SULF1: variants seen among roughly 807,000 people sequenced by gnomAD.
The protein encoded by SULF1 is sulfatase 1.
In SULF1, 46 loss-of-function variants were observed where a neutral mutation model predicts 110.5. The observed-to-expected ratio is 0.42, with a 90% confidence interval of 0.33 to 0.53. The LOEUF (loss-of-function observed/expected upper bound fraction) is 0.53, where lower values mean the gene tolerates loss of function less well. Among genes scored for constraint, SULF1 ranks in the 20% least tolerant of loss-of-function variants. The pLI, the probability that SULF1 is intolerant of heterozygous loss-of-function variation, is 0.12. For missense variants in SULF1, 941 were observed against 1,094.2 expected, an observed-to-expected ratio of 0.86 and a Z score of 1.98; for synonymous variants, 371 against 387.1, an observed-to-expected ratio of 0.96 and a Z score of 0.49.
intron 22 of SULF1, among the ~76,000 whole-genome samples, chr8:69,657,100 T>G (rs62512197): frequency 1.3e-5 from 2 of 152,244 alleles, no homozygotes; most frequent in South Asian, 4.1e-4. Context: ...TTCATGGATT[T>G]ATACTATTTA....
At chr8:69,657,621 T>C (rs1443752163) in intron 22 of SULF1, among the ~76,000 whole-genome samples, 2 of 152,240 alleles carry the variant, frequency 1.3e-5, no homozygotes, top group Admixed American at 1.3e-4. Context: ...ACGTTTTTTA[T>C]CTACACGTGA....
At chr8:69,592,930 G>A (rs1328803195) in intron 8 of SULF1, 26 of 987,280 alleles carry the variant, frequency 2.6e-5, no homozygotes, top group South Asian at 1.9e-4. Flanking sequence ...AACAGACAGG[G>A]TAAGGACCAA....
At chr8:69,631,141 A>G (rs1308791926) in intron 19 of SULF1, among the ~76,000 whole-genome samples, 1 of 152,220 alleles carries the variant, frequency 6.6e-6, no homozygotes, top group Non-Finnish European at 1.5e-5. Flanking sequence ...TGTTCCAGGC[A>G]GAGGGAACAG....
chr8:69,563,859 C>A, intron 4 of SULF1, 57 bp from the exon 5 acceptor site: 1 of 1,035,850 alleles, frequency 9.7e-7, no homozygotes, highest in Non-Finnish European at 1.4e-6. Context: ...TGCAACTGTG[C>A]TTGGAGTTTG....
intron 1 of SULF1, among the ~76,000 whole-genome samples, chr8:69,476,946 C>T (rs1272427278): frequency 6.6e-6 from 1 of 152,206 alleles, no homozygotes; most frequent in Non-Finnish European, 1.5e-5. Flanking sequence ...AACTAGGTCT[C>T]TTCATCTAGT....
At chr8:69,521,419 G>A (rs964968837) in intron 3 of SULF1, among the ~76,000 whole-genome samples, 1 of 152,114 alleles carries the variant, frequency 6.6e-6, no homozygotes, top group East Asian at 1.9e-4. Context: ...ATCAGGGTGG[G>A]TTGCAGTGTT....
intron 22 of SULF1, among the ~76,000 whole-genome samples, chr8:69,656,035 G>A (rs990627642): frequency 4.6e-5 from 7 of 152,202 alleles, no homozygotes; most frequent in East Asian, 1.9e-4. Context: ...GAGCTGATGC[G>A]CACAGTATCC....
intron 6 of SULF1, among the ~76,000 whole-genome samples, chr8:69,579,583 G>C (rs1327158257): frequency 6.6e-6 from 1 of 150,924 alleles, no homozygotes; most frequent in African/African-American, 2.4e-5. Flanking sequence ...AAAAAAATGG[G>C]AAGACTGAAA....
chr8:69,588,374 C>T (rs1180324812), intron 7 of SULF1, among the ~76,000 whole-genome samples: 2 of 152,186 alleles, frequency 1.3e-5, no homozygotes, highest in Non-Finnish European at 2.9e-5. Context: ...TCAAATGTTG[C>T]AGCTTTTCCC....
intron 3 of SULF1, among the ~76,000 whole-genome samples, chr8:69,515,820 T>G (rs1302834299): frequency 6.6e-6 from 1 of 152,204 alleles, no homozygotes; most frequent in Non-Finnish European, 1.5e-5. Flanking sequence ...TCTCTCAAGT[T>G]CAAAGTTTCA....
intron 19 of SULF1, among the ~76,000 whole-genome samples, chr8:69,633,263 T>A (rs955428899): frequency 1.3e-5 from 2 of 151,998 alleles, no homozygotes; most frequent in East Asian, 3.9e-4. Flanking sequence ...ATATGAAACA[T>A]GACTCAGAAA....
intron 3 of SULF1, among the ~76,000 whole-genome samples, chr8:69,528,795 T>TTTGTTG (rs541688520): frequency 2.0e-5 from 3 of 151,644 alleles, no homozygotes; most frequent in East Asian, 1.9e-4. Context: ...CCACAGTGGG[T>TTTGTTG]TTGTTGTTGT....
chr8:69,481,376 G>T (rs1229783437), intron 1 of SULF1, among the ~76,000 whole-genome samples: 1 of 152,096 alleles, frequency 6.6e-6, no homozygotes, highest in Non-Finnish European at 1.5e-5. Flanking sequence ...AGTGAATGCT[G>T]TTGAAAAAGG....
At chr8:69,646,936 GAATT>G (rs1326539846) in intron 22 of SULF1, among the ~76,000 whole-genome samples, 3 of 131,468 alleles carry the variant, frequency 2.3e-5, no homozygotes, top group African/African-American at 9.2e-5. Context: ...AAGAGCCCTG[GAATT>G]TTTTTTTTTT....
chr8:69,479,755 A>G (rs890479893), intron 1 of SULF1, among the ~76,000 whole-genome samples: 27 of 152,190 alleles, frequency 1.8e-4, no homozygotes, highest in Admixed American at 1.2e-3. Context: ...GTTTGTTGGG[A>G]GACCTGCCTA....
At chr8:69,480,838 T>C (rs1298882202) in intron 1 of SULF1, among the ~76,000 whole-genome samples, 2 of 135,782 alleles carry the variant, frequency 1.5e-5, no homozygotes, top group African/African-American at 5.6e-5. Context: ...AATTGAACAA[T>C]GAGAACACAT....
At position 69,639,009 on chromosome 8, in the gene SULF1, T is replaced by G. The variant is rs375176940; in HGVS notation, c.2551+151T>G. The G allele has an allele frequency of 3.5e-6, 3 of 849,372 alleles. No individual in the cohort carries two copies. In the East Asian group the frequency reaches 8.1e-5, roughly 23 times the overall value. The allele number at this position is 849,372 out of a possible 1,614,324, so 52.6% of individuals were successfully genotyped here. A position where few individuals can be genotyped will look rare whatever the true frequency, so the allele number is the denominator to read the frequency against. On this transcript the variant is annotated intron_variant, in intron 21 of 22. Transcript: ENST00000402687. ...CCAGGCAATTCTAAATACAATTTGATCTCTAAGTTTAGCTCTGGTGTACTA... is the reference window on the plus strand; with the variant it reads ...CCAGGCAATTCTAAATACAATTTGAGCTCTAAGTTTAGCTCTGGTGTACTA...
At chr8:69,485,454 G>GT (rs1341326906) in intron 1 of SULF1, among the ~76,000 whole-genome samples, 1 of 152,178 alleles carries the variant, frequency 6.6e-6, no homozygotes, top group African/African-American at 2.4e-5. Context: ...GCAATTCCTC[G>GT]TAGGCGCTGC....
At position 69,624,093 on chromosome 8, in the gene SULF1, GGGGCCAAGA is replaced by G; in HGVS notation, c.1748_1756del (p.Gly583_Arg585del). 1 of 1,614,130 alleles carries G rather than the reference GGGGCCAAGA, an allele frequency of 6.2e-7. No homozygotes were observed. The highest frequency in any genetic ancestry group is 8.5e-7 in the Non-Finnish European group (1 of 1,180,024). On this transcript the variant is annotated inframe_deletion, in exon 15 of 23. Transcript: ENST00000402687. ...CTAAGCGTCATGATGAAGGCCACAA[GGGGCCAAGA>G]GATCTCCAGGCTTCCAGTGGTGGCA...
Sources: allele counts gnomAD v4.1 joint callset (sites outside exome capture counted in the v4.1 genomes callset), GRCh38; gene constraint gnomAD v4.1.1; transcripts MANE v1.5; gene names NCBI Gene and HGNC (gene_info 2026-07-23, HGNC 2026-07-21).